Variants in TEX9 observed in about 807,000 individuals in gnomAD.
TEX9 encodes testis expressed 9.
Under a neutral mutation model 59.6 loss-of-function variants are expected in TEX9, and 74 were observed. The observed-to-expected ratio is 1.24, with a 90% CI of 1.03 to 1.51. TEX9 has a LOEUF of 1.51. Among genes scored for constraint, TEX9 ranks in the 40% most tolerant of loss-of-function variants. The pLI is 0.00. For missense variants in TEX9, 522 were observed against 447.8 expected (o/e 1.17, Z -1.49); for synonymous variants, 186 against 152.2 (o/e 1.22, Z -1.64).
chr15:56,299,201 A>G (rs1282076947), intron 1 of TEX9, among the ~76,000 whole-genome samples: 5 of 152,244 alleles, frequency 3.3e-5, no homozygotes, highest in African/African-American at 1.2e-4. Context: ...CCTGTGCCAC[A>G]GAAATAGAAT....
the TEX9 span, among the ~76,000 whole-genome samples, chr15:56,452,097 T>G: frequency 2.0e-5 from 3 of 152,240 alleles, no homozygotes; most frequent in Non-Finnish European, 4.4e-5. Flanking sequence ...CTGTCCTATG[T>G]TCTCTCTTCT....
exon 13 of TEX9, chr15:56,445,724 T>C (rs1164451623): frequency 2.6e-5 from 4 of 152,082 alleles, no homozygotes; most frequent in Non-Finnish European, 5.9e-5. Context: ...GCATGACACC[T>C]AGTCAAGTCC....
chr15:56,258,606 G>A (rs1311281051), intron 1 of TEX9, among the ~76,000 whole-genome samples: 3 of 151,780 alleles, frequency 2.0e-5, no homozygotes, highest in African/African-American at 7.3e-5. Context: ...TTGGTGTTTA[G>A]GAATGCTAGC....
At chr15:56,343,286 T>C (rs2046406908) in intron 1 of TEX9, among the ~76,000 whole-genome samples, 1 of 151,998 alleles carries the variant, frequency 6.6e-6, no homozygotes, top group African/African-American at 2.4e-5. Flanking sequence ...TATCTAGATA[T>C]CCAGAAAAGA....
At chr15:56,399,954 A>T (rs2048686954) in intron 9 of TEX9, among the ~76,000 whole-genome samples, 1 of 152,210 alleles carries the variant, frequency 6.6e-6, no homozygotes, top group African/African-American at 2.4e-5. Flanking sequence ...AACAGAAAGG[A>T]CATCTACACC....
At chr15:56,336,004 C>T (rs1236775584) in intron 1 of TEX9, among the ~76,000 whole-genome samples, 3 of 152,142 alleles carry the variant, frequency 2.0e-5, no homozygotes, top group African/African-American at 7.2e-5. Flanking sequence ...CATTTATTTA[C>T]ATTTATGGAT....
In TEX9 at chr15:56,383,980, C is replaced by G. The variant is rs752316081; in HGVS notation, c.212C>G (p.Pro71Arg). ...GATCGGCAAGAAGTACGATCTAGGC[C>G]TGTTTCAACACAAATGAAATCATGT... The change falls in exon 4 of 13, where the codon CCT (proline) becomes CGT (arginine). Residue 71 changes from proline to arginine, a missense_variant. Pro to Arg is a moderately radical substitution (Grantham distance 103, BLOSUM62 -2). Coordinates refer to ENST00000352903, the Ensembl canonical transcript of TEX9. 12 of 1,612,144 alleles carry G rather than the reference C, an allele frequency of 7.4e-6. No individual in the cohort carries two copies. Among genetic ancestry groups the G allele is most frequent in the Non-Finnish European group, 6.8e-6 (8 of 1,179,158 alleles).
At chr15:56,436,587 G>A (rs2050729769) in intron 12 of TEX9, among the ~76,000 whole-genome samples, 1 of 152,036 alleles carries the variant, frequency 6.6e-6, no homozygotes, top group Admixed American at 6.6e-5. Flanking sequence ...GCTAGCAGAA[G>A]GCAAGAAATA....
chr15:56,253,096 CA>C (rs1170507523), intron 1 of TEX9, among the ~76,000 whole-genome samples: 3 of 151,952 alleles, frequency 2.0e-5, no homozygotes, highest in African/African-American at 7.2e-5. Context: ...TTTTACATGC[CA>C]CTACTTTATA....
chr15:56,399,606 G>A (rs1421731317), intron 9 of TEX9, among the ~76,000 whole-genome samples: 2 of 152,240 alleles, frequency 1.3e-5, no homozygotes, highest in East Asian at 1.9e-4. Flanking sequence ...GAAGGGAGCA[G>A]TGGTTCTCCC....
In TEX9 at chr15:56,344,455, C is replaced by T. The variant is rs2046428134; in HGVS notation, c.-106-28986C>T. The stretch of plus-strand genomic sequence containing the variant: ...TGTAATTCCATTTATATAAAATTTC[C>T]AGAATAGGCAAATCCATAGAGACAG... On this transcript the variant is annotated intron_variant, in intron 1 of 5. Transcript: ENST00000560827. Among the ~76,000 whole-genome samples, 5 of 151,996 alleles carry T rather than the reference C, an allele frequency of 3.3e-5. No individual in the cohort carries two copies. In the South Asian group the frequency reaches 1.0e-3, roughly 32 times the overall value.
At chr15:56,447,668 A>G (rs539465315), downstream of TEX9, 1 of 152,312 alleles carries the variant, frequency 6.6e-6, no homozygotes, top group African/African-American at 2.4e-5. Context: ...CTGATCTACA[A>G]TATTCAATAA....
chr15:56,253,622 T>C (rs1197769213), intron 1 of TEX9, among the ~76,000 whole-genome samples: 2 of 152,088 alleles, frequency 1.3e-5, no homozygotes, highest in Non-Finnish European at 1.5e-5. Context: ...TTAAAGCTGT[T>C]AAAGTTAGCT....
intron 9 of TEX9, among the ~76,000 whole-genome samples, chr15:56,403,046 C>G (rs1430011407): frequency 1.3e-5 from 2 of 152,196 alleles, no homozygotes; most frequent in Non-Finnish European, 2.9e-5. Flanking sequence ...TGGGCAAAAA[C>G]TGGAAGCATT....
At chr15:56,368,226 G>C (rs1484260097) in intron 2 of TEX9, among the ~76,000 whole-genome samples, 2 of 151,998 alleles carry the variant, frequency 1.3e-5, no homozygotes, top group African/African-American at 4.8e-5. Flanking sequence ...AATTAATTCA[G>C]CTGTTGGTAT....
At chr15:56,370,190 G>A (rs2047131255) in intron 2 of TEX9, among the ~76,000 whole-genome samples, 1 of 151,956 alleles carries the variant, frequency 6.6e-6, no homozygotes, top group African/African-American at 2.4e-5. Flanking sequence ...GATTGAATGG[G>A]TTTTCATTAT....
intron 1 of TEX9, among the ~76,000 whole-genome samples, chr15:56,353,607 T>G (rs2046627384): frequency 6.6e-6 from 1 of 152,174 alleles, no homozygotes; most frequent in Non-Finnish European, 1.5e-5. Context: ...TTAAAATTAC[T>G]TATTTGAAAT....
At chr15:56,286,805 T>A (rs1029606217) in intron 1 of TEX9, among the ~76,000 whole-genome samples, 28 of 152,212 alleles carry the variant, frequency 1.8e-4, no homozygotes, top group Non-Finnish European at 2.1e-4. Context: ...TACTACATCT[T>A]TAGTTCTCAC....
At chr15:56,286,444 G>C (rs1335974048) in intron 1 of TEX9, among the ~76,000 whole-genome samples, 1 of 152,162 alleles carries the variant, frequency 6.6e-6, no homozygotes, top group Non-Finnish European at 1.5e-5. Flanking sequence ...GAGAGAAAGA[G>C]AGTAGCCAGA....
Sources: allele counts gnomAD v4.1 joint callset (sites outside exome capture counted in the v4.1 genomes callset), GRCh38; gene constraint gnomAD v4.1.1; transcripts MANE v1.5; gene names NCBI Gene and HGNC (gene_info 2026-07-23, HGNC 2026-07-21).